The following MYH15 variants were observed in gnomAD, a reference collection of about 807,000 sequenced individuals.
The protein encoded by MYH15 is myosin heavy chain 15, also known as myosin-15.
In MYH15, 227 loss-of-function variants were observed where a neutral mutation model predicts 240.5. The ratio of observed to expected loss-of-function variants is 0.94; its 90% CI spans 0.85 to 1.05. The LOEUF (loss-of-function observed/expected upper bound fraction) is 1.05, where lower values mean the gene tolerates loss of function less well. Among genes scored for constraint, MYH15 ranks in the 50% least tolerant of loss-of-function variants. The probability of loss-of-function intolerance (pLI) is 0.00; values close to 1 mark genes in which losing one functional copy is unlikely to be tolerated. For missense variants in MYH15, 2,217 were observed against 2,247.5 expected (o/e 0.99, Z 0.27); for synonymous variants, 785 against 796.7 (o/e 0.99, Z 0.25).
At chr3:108,417,056 G>C in intron 28 of MYH15, 126 bp from the exon 29 acceptor site, 1 of 697,044 alleles carries the variant, frequency 1.4e-6, no homozygotes, top group Non-Finnish European at 2.4e-6. Context: ...ATTTAGGAAG[G>C]GTCTGAGAGT....
At chr3:108,494,683 A>G (rs548346015) in intron 7 of MYH15, among the ~76,000 whole-genome samples, 94 of 152,160 alleles carry the variant, frequency 6.2e-4, no homozygotes, top group South Asian at 8.3e-4. Flanking sequence ...TAGTAGAAAC[A>G]AAGTCTCACT....
At chr3:108,453,945 T>C in intron 21 of MYH15, 61 bp downstream of exon 21, 1 of 1,521,764 alleles carries the variant, frequency 6.6e-7, no homozygotes, top group East Asian at 2.3e-5. Context: ...ATGAGATTAG[T>C]TGCACTGGTT....
chr3:108,535,507 T>A, the MYH15 span, among the ~76,000 whole-genome samples: 4 of 150,628 alleles, frequency 2.7e-5, no homozygotes, highest in Non-Finnish European at 5.9e-5. Context: ...CATCCAAATA[T>A]CATCATATTG....
chr3:108,478,291 C>T (rs1017203866), intron 11 of MYH15, among the ~76,000 whole-genome samples: 1 of 152,084 alleles, frequency 6.6e-6, no homozygotes, highest in South Asian at 2.1e-4. Flanking sequence ...ATATATAATA[C>T]ATACATTGCT....
chr3:108,416,546 G>A (rs756371121), intron 29 of MYH15, among the ~76,000 whole-genome samples: 1 of 152,014 alleles, frequency 6.6e-6, no homozygotes, highest in Non-Finnish European at 1.5e-5. Context: ...AATCCTGAAA[G>A]AGCCTTGCTG....
chr3:108,455,949 T>A, intron 19 of MYH15, 90 bp from the exon 20 acceptor site: 2 of 1,247,776 alleles, frequency 1.6e-6, no homozygotes, highest in Non-Finnish European at 2.3e-6. Flanking sequence ...AAAGGAGACA[T>A]AGATTTTTAT....
chr3:108,484,801 T>C (rs576745575), intron 11 of MYH15, among the ~76,000 whole-genome samples: 2 of 152,268 alleles, frequency 1.3e-5, no homozygotes, highest in East Asian at 1.9e-4. Context: ...CTTTCTCTCA[T>C]TGTTCTCAAT....
the MYH15 span, among the ~76,000 whole-genome samples, chr3:108,537,910 G>A: frequency 3.3e-5 from 5 of 152,096 alleles, no homozygotes; most frequent in Non-Finnish European, 7.4e-5. Flanking sequence ...TCTCAAAGTG[G>A]GCATGTGATC....
intron 33 of MYH15, among the ~76,000 whole-genome samples, chr3:108,400,160 A>C (rs892822782): frequency 6.6e-6 from 1 of 152,212 alleles, no homozygotes; most frequent in Non-Finnish European, 1.5e-5. Context: ...TGATGGCCAC[A>C]TACAGAAGGT....
chr3:108,525,352 C>T (rs956593780), intron 1 of MYH15, among the ~76,000 whole-genome samples: 5 of 152,020 alleles, frequency 3.3e-5, no homozygotes, highest in Non-Finnish European at 5.9e-5. Context: ...CCTCTCTTTT[C>T]CAACACAATC....
At chr3:108,381,903 C>T (rs2082346639) in intron 40 of MYH15, among the ~76,000 whole-genome samples, 1 of 152,210 alleles carries the variant, frequency 6.6e-6, no homozygotes, top group Non-Finnish European at 1.5e-5. Context: ...CAGCAAACCT[C>T]TTCCTTGTGC....
chr3:108,536,065 C>A, the MYH15 span, among the ~76,000 whole-genome samples: 1 of 152,076 alleles, frequency 6.6e-6, no homozygotes, highest in South Asian at 2.1e-4. Context: ...GTCAGAAGTT[C>A]GAGACCAACC....
chr3:108,384,950 T>C (rs1012281223), intron 38 of MYH15, among the ~76,000 whole-genome samples, 168 bp from the exon 39 acceptor site: 1 of 152,146 alleles, frequency 6.6e-6, no homozygotes, highest in African/African-American at 2.4e-5. Context: ...AATTGATAAA[T>C]AGAACTGTCA....
intron 38 of MYH15, among the ~76,000 whole-genome samples, chr3:108,388,177 G>A (rs1278936358): frequency 1.3e-5 from 2 of 152,212 alleles, no homozygotes; most frequent in Non-Finnish European, 2.9e-5. Flanking sequence ...GGGCTGGAAA[G>A]TGACTTTTAG....
intron 16 of MYH15, chr3:108,461,689 T>G (rs534239804): frequency 2.0e-5 from 3 of 152,266 alleles, no homozygotes; most frequent in Admixed American, 1.3e-4. Flanking sequence ...TTAGCAGCTA[T>G]TAGAATCAGG....
At chr3:108,396,700 A>G (rs1465688011) in intron 35 of MYH15, among the ~76,000 whole-genome samples, 1 of 152,240 alleles carries the variant, frequency 6.6e-6, no homozygotes, top group Non-Finnish European at 1.5e-5. Flanking sequence ...GGAGAAAAAA[A>G]AAATGTTTGA....
chr3:108,382,633 A>T (rs1258317668), intron 40 of MYH15, among the ~76,000 whole-genome samples: 2 of 152,212 alleles, frequency 1.3e-5, no homozygotes, highest in Non-Finnish European at 2.9e-5. Context: ...TATGGAGTCC[A>T]AGAGGGAAGA....
At chr3:108,542,327 T>C in the MYH15 span, among the ~76,000 whole-genome samples, 7 of 152,326 alleles carry the variant, frequency 4.6e-5, no homozygotes, top group East Asian at 1.9e-4. Context: ...ACAAAATGAA[T>C]GTCATGTACC....
intron 27 of MYH15, among the ~76,000 whole-genome samples, chr3:108,425,863 C>T (rs1415105283): frequency 6.6e-6 from 1 of 152,142 alleles, no homozygotes; most frequent in East Asian, 1.9e-4. Flanking sequence ...GGTAGTAAAA[C>T]AGACAGTAAA....
Sources: allele counts gnomAD v4.1 joint callset (sites outside exome capture counted in the v4.1 genomes callset), GRCh38; gene constraint gnomAD v4.1.1; transcripts MANE v1.5; gene names NCBI Gene and HGNC (gene_info 2026-07-23, HGNC 2026-07-21).